The following CEP83 variants were observed in gnomAD, a reference collection of about 807,000 sequenced individuals.
CEP83 encodes centrosomal protein of 83 kDa.
CEP83 carries 70 observed loss-of-function variants against 101.9 expected under a neutral mutation model. The ratio of observed to expected loss-of-function variants is 0.69; its 90% CI spans 0.57 to 0.84. The LOEUF (loss-of-function observed/expected upper bound fraction) is 0.84, where lower values mean the gene tolerates loss of function less well. Among genes scored for constraint, CEP83 ranks in the 40% least tolerant of loss-of-function variants. CEP83 has a pLI of 0.00. For missense variants in CEP83, 715 were observed against 787.2 expected (o/e 0.91, Z 1.10); for synonymous variants, 264 against 267.9 (o/e 0.99, Z 0.14).
chr12:94,364,309 GA>G (rs1423614364), intron 11 of CEP83, among the ~76,000 whole-genome samples: 5 of 151,980 alleles, frequency 3.3e-5, no homozygotes, highest in African/African-American at 1.2e-4. Flanking sequence ...AAAATTAATG[GA>G]ATCCCAATAA....
chr12:94,350,856 C>T (rs7956067), intron 11 of CEP83, among the ~76,000 whole-genome samples: 3,924 of 152,034 alleles, frequency 0.026, 186 homozygotes, highest in African/African-American at 0.09. Context: ...AAAAGATGCT[C>T]GACATCACTA....
chr12:94,452,224 T>C (rs1156982083), intron 1 of CEP83, among the ~76,000 whole-genome samples: 1 of 152,130 alleles, frequency 6.6e-6, no homozygotes, highest in Non-Finnish European at 1.5e-5. Context: ...TGAGAGAATC[T>C]AGGAGACTGA....
At chr12:94,407,754 G>A (rs1396312436) in intron 4 of CEP83, among the ~76,000 whole-genome samples, 1 of 152,158 alleles carries the variant, frequency 6.6e-6, no homozygotes, top group African/African-American at 2.4e-5. Context: ...GACACCGACT[G>A]AATTAGAGGA....
At chr12:94,413,845 C>G (rs2064077633) in intron 2 of CEP83, among the ~76,000 whole-genome samples, 1 of 151,504 alleles carries the variant, frequency 6.6e-6, no homozygotes, top group South Asian at 2.1e-4. Context: ...CACACACACA[C>G]ACACACACAC....
chr12:94,443,717 C>T (rs1010147873), intron 1 of CEP83, among the ~76,000 whole-genome samples: 15 of 152,024 alleles, frequency 9.9e-5, no homozygotes, highest in Admixed American at 5.2e-4. Context: ...GAACTCCTGA[C>T]TTCAAGTGAT....
chr12:94,270,711 G>C, the CEP83 span, among the ~76,000 whole-genome samples: 1 of 151,408 alleles, frequency 6.6e-6, no homozygotes, highest in Non-Finnish European at 1.5e-5. Flanking sequence ...ATGCTAGCAA[G>C]TATAGAAAAA....
At chr12:94,447,225 T>C (rs2066875875) in intron 1 of CEP83, among the ~76,000 whole-genome samples, 1 of 152,120 alleles carries the variant, frequency 6.6e-6, no homozygotes, top group Admixed American at 6.5e-5. Context: ...CCATAAAGTT[T>C]AATCTAGGCT....
intron 2 of CEP83, among the ~76,000 whole-genome samples, chr12:94,423,146 G>A (rs557843711): frequency 4.6e-5 from 7 of 151,826 alleles, no homozygotes; most frequent in East Asian, 1.9e-4. Context: ...GTGCAATGGC[G>A]CAATCTCAGT....
chr12:94,392,818 C>G (rs1365721409), intron 6 of CEP83, among the ~76,000 whole-genome samples: 3 of 152,186 alleles, frequency 2.0e-5, no homozygotes, highest in Non-Finnish European at 4.4e-5. Flanking sequence ...CACAGAAATA[C>G]AAACTACCAT....
the CEP83 span, chr12:94,294,344 G>A: frequency 1.8e-6 from 1 of 551,154 alleles, no homozygotes. Context: ...CCAGCACAGT[G>A]CCCAGAACAT....
At chr12:94,386,444 T>C (rs1013704137) in intron 6 of CEP83, among the ~76,000 whole-genome samples, 4 of 152,200 alleles carry the variant, frequency 2.6e-5, no homozygotes, top group African/African-American at 9.6e-5. Context: ...TGCAATACTC[T>C]GCTTTTCAAA....
the CEP83 span, among the ~76,000 whole-genome samples, chr12:94,290,830 G>A: frequency 1.3e-5 from 2 of 152,244 alleles, no homozygotes; most frequent in African/African-American, 2.4e-5. Context: ...TCAGAATGGA[G>A]GGAAAAGTCA....
chr12:94,458,453 T>C (rs1010772864), intron 1 of CEP83, among the ~76,000 whole-genome samples: 4 of 151,884 alleles, frequency 2.6e-5, no homozygotes, highest in African/African-American at 9.7e-5. Context: ...ATTTAAAGCA[T>C]TCTGGCCTGG....
intron 2 of CEP83, among the ~76,000 whole-genome samples, chr12:94,433,118 G>C (rs931267796): frequency 6.6e-6 from 1 of 152,154 alleles, no homozygotes; most frequent in Non-Finnish European, 1.5e-5. Flanking sequence ...GGGAGGTAAG[G>C]TAGGGCCTAG....
At chr12:94,279,842 G>T in the CEP83 span, 2 of 700,658 alleles carry the variant, frequency 2.9e-6, no homozygotes, top group East Asian at 5.4e-5. Context: ...CTGATTCTTC[G>T]AAGGAAGCAC....
chr12:94,320,902 T>C (rs1209804358), intron 14 of CEP83, among the ~76,000 whole-genome samples: 1 of 152,212 alleles, frequency 6.6e-6, no homozygotes, highest in East Asian at 1.9e-4. Flanking sequence ...TTGTTCTCTA[T>C]AGTTCCTGTT....
chr12:94,331,291 A>G (rs1331895679), intron 14 of CEP83, among the ~76,000 whole-genome samples: 1 of 53,436 alleles, frequency 1.9e-5, no homozygotes, highest in East Asian at 4.1e-4. Context: ...GACTCTCAGA[A>G]AAAAAAAAAA....
chr12:94,339,768 G>T (rs2059602370), intron 11 of CEP83, among the ~76,000 whole-genome samples: 1 of 152,154 alleles, frequency 6.6e-6, no homozygotes, highest in Admixed American at 6.5e-5. Context: ...ACTGGAAATT[G>T]ACACTGGCCA....
intron 1 of CEP83, among the ~76,000 whole-genome samples, chr12:94,447,138 C>T (rs146354638): frequency 8.5e-5 from 13 of 152,236 alleles, no homozygotes; most frequent in East Asian, 3.9e-4. Context: ...TAACCAAAGA[C>T]GAAGACAAGT....
Sources: gnomAD v4.1 joint callset for allele counts (sites outside exome capture counted in the v4.1 genomes callset) on GRCh38, gnomAD v4.1.1 for gene constraint, MANE v1.5 for transcripts, NCBI Gene and HGNC (gene_info 2026-07-23, HGNC 2026-07-21) for gene names.